The following C9 variants were observed in gnomAD, a reference collection of about 807,000 sequenced individuals.
The protein encoded by C9 is complement C9.
Under a neutral mutation model 65.4 loss-of-function variants are expected in C9, and 63 were observed. That is an observed-to-expected ratio of 0.96 (90% CI 0.79 to 1.19). The LOEUF is 1.19. Ranked by LOEUF, C9 falls within the 50% of genes most tolerant of loss-of-function variation. The pLI is 0.00. For missense variants in C9, 744 were observed against 670.1 expected, an observed-to-expected ratio of 1.11 and a Z score of -1.22; for synonymous variants, 229 against 227.9, an observed-to-expected ratio of 1.00 and a Z score of -0.04.
At chr5:39,363,389 C>A (rs189452933) in intron 1 of C9, among the ~76,000 whole-genome samples, 2 of 152,158 alleles carry the variant, frequency 1.3e-5, no homozygotes, top group Non-Finnish European at 2.9e-5. Flanking sequence ...TGAATGGCGG[C>A]CTCCAACTGC....
At chr5:39,333,024 C>T (rs1460033452) in intron 4 of C9, among the ~76,000 whole-genome samples, 1 of 152,140 alleles carries the variant, frequency 6.6e-6, no homozygotes, top group East Asian at 1.9e-4. Context: ...AAATTGACCA[C>T]CTCCCACTGC....
At chr5:39,294,040 A>G (rs976781502) in intron 9 of C9, among the ~76,000 whole-genome samples, 1 of 151,886 alleles carries the variant, frequency 6.6e-6, no homozygotes. Flanking sequence ...ACCAAAACTG[A>G]CGATACACAG....
intron 1 of C9, among the ~76,000 whole-genome samples, chr5:39,349,849 G>C (rs369912376): frequency 6.6e-6 from 1 of 151,824 alleles, no homozygotes; most frequent in Non-Finnish European, 1.5e-5. Context: ...TTATGCAGGC[G>C]CCTCTTCTTC....
rs564917225 is a variant in C9 at position 39,298,360 on chromosome 5, A to G, written c.1416+8257T>C. Among the ~76,000 whole-genome samples, 7 of 151,760 alleles carry G rather than the reference A, an allele frequency of 4.6e-5. No individual in the cohort carries two copies. The Middle Eastern group carries it at 0.01, about 224-fold the overall frequency. On this transcript the variant is annotated intron_variant, in intron 9 of 10. Transcript: ENST00000263408. ...AAAAAAATAGAGAAAATTTTTTTAA[A>G]GCTGCTTTTTTGAGATTACAAAAAA...
chr5:39,300,819 TAGAAAGACA>T (rs1167384659), intron 9 of C9, among the ~76,000 whole-genome samples: 1 of 152,164 alleles, frequency 6.6e-6, no homozygotes, highest in African/African-American at 2.4e-5. Context: ...ATACCATGTA[TAGAAAGACA>T]GTTTAACTTC....
At chr5:39,358,996 T>A (rs1754462516) in intron 1 of C9, among the ~76,000 whole-genome samples, 1 of 65,076 alleles carries the variant, frequency 1.5e-5, no homozygotes, top group Non-Finnish European at 2.9e-5. Context: ...AAAAAATAAA[T>A]AAATAAATAA....
intron 6 of C9, 82 bp from the exon 7 acceptor site, chr5:39,311,459 C>T: frequency 7.4e-7 from 1 of 1,360,066 alleles, no homozygotes; most frequent in South Asian, 1.2e-5. Context: ...TTAGAACTTC[C>T]ATAGGCACTA....
At chr5:39,338,861 T>C (rs531536763) in intron 4 of C9, among the ~76,000 whole-genome samples, 1 of 152,356 alleles carries the variant, frequency 6.6e-6, no homozygotes, top group African/African-American at 2.4e-5. Context: ...AACAAATTTT[T>C]CTTTTCCCTG....
rs769157827 is a variant in C9 at position 39,284,966 on chromosome 5, G to A, written c.*233C>T. The A allele has an allele frequency of 1.7e-4, 83 of 478,826 alleles. No individual in the cohort carries two copies. Among genetic ancestry groups the A allele is most frequent in the African/African-American group, 5.9e-4 (30 of 50,804 alleles). The allele number at this position is 478,826 out of a possible 1,614,324, so 29.7% of individuals were successfully genotyped here. A position where few individuals can be genotyped will look rare whatever the true frequency, so the allele number is the denominator to read the frequency against. On this transcript the variant is annotated 3_prime_UTR_variant, in exon 11 of 11. Transcript: ENST00000263408. ...TTCCGTGGGATAAAGCAGTTCTGGC[G>A]TATTTCACTGTTGACTTCTCATTAG...
At chr5:39,340,753 C>T (rs1265236215) in intron 4 of C9, among the ~76,000 whole-genome samples, 5 of 152,156 alleles carry the variant, frequency 3.3e-5, no homozygotes, top group African/African-American at 1.2e-4. Context: ...AGACAGCCTT[C>T]CCAGCAATGC....
Position 39,364,443 on chromosome 5 carries a change from C to T in C9, c.22G>A (p.Ala8Thr). MSACRSF[A>T]VAICILEISI... The stretch of plus-strand genomic sequence containing the variant: ...ATTTCTAAAATGCAGATTGCAACTG[C>T]AAAGCTCCGGCAGGCTGACATGCTG... The change falls in exon 1 of 11, where the codon GCA (alanine) becomes ACA (threonine). Residue 8 changes from alanine to threonine, a missense_variant. Ala to Thr is a moderately conservative substitution (Grantham distance 58, BLOSUM62 0). Transcript: ENST00000263408. 1 of 1,610,530 alleles carries T rather than the reference C, an allele frequency of 6.2e-7. No individual in the cohort carries two copies. Among genetic ancestry groups the T allele is most frequent in the Non-Finnish European group, 8.5e-7 (1 of 1,177,234 alleles).
chr5:39,306,586 T>C, intron 9 of C9, 31 bp downstream of exon 9: 2 of 1,545,858 alleles, frequency 1.3e-6, no homozygotes, highest in South Asian at 2.2e-5. Flanking sequence ...AATGACACAG[T>C]CTTCTGTTTG....
chr5:39,315,608 T>C (rs753216316), intron 6 of C9, among the ~76,000 whole-genome samples, 167 bp downstream of exon 6: 9 of 152,308 alleles, frequency 5.9e-5, no homozygotes, highest in South Asian at 4.1e-4. Context: ...CCAAAGATTC[T>C]ATCAGACTTT....
intron 5 of C9, among the ~76,000 whole-genome samples, chr5:39,318,329 C>T (rs562722042): frequency 3.9e-5 from 6 of 152,220 alleles, no homozygotes; most frequent in African/African-American, 9.6e-5. Context: ...TTTCTCTCTT[C>T]GTATTTGAAT....
At chr5:39,302,069 G>T (rs2111866364) in intron 9 of C9, among the ~76,000 whole-genome samples, 1 of 152,024 alleles carries the variant, frequency 6.6e-6, no homozygotes, top group African/African-American at 2.4e-5. Context: ...AATACAATTT[G>T]GATTAAATGT....
intron 4 of C9, among the ~76,000 whole-genome samples, chr5:39,337,981 G>A (rs1285036098): frequency 6.6e-6 from 1 of 152,218 alleles, no homozygotes; most frequent in Non-Finnish European, 1.5e-5. Context: ...ATGTTGCTAT[G>A]ATTAGGGAGT....
chr5:39,323,461 T>A (rs695991), intron 5 of C9, among the ~76,000 whole-genome samples: 2,740 of 149,366 alleles, frequency 0.018, 93 homozygotes, highest in African/African-American at 0.065. Flanking sequence ...ATTAAAATGA[T>A]CATACACAAT....
chr5:39,290,756 T>C (rs896627261), intron 9 of C9, among the ~76,000 whole-genome samples: 18 of 151,630 alleles, frequency 1.2e-4, no homozygotes, highest in Non-Finnish European at 2.5e-4. Context: ...TCAGCAAGAG[T>C]TAGTAGAGAG....
chr5:39,290,613 A>T (rs879441547), intron 9 of C9, among the ~76,000 whole-genome samples: 43 of 151,900 alleles, frequency 2.8e-4, no homozygotes, highest in Admixed American at 1.2e-3. Context: ...ATTTTTTTTT[A>T]AAACTGCTAA....
Sources: allele counts gnomAD v4.1 joint callset (sites outside exome capture counted in the v4.1 genomes callset), GRCh38; gene constraint gnomAD v4.1.1; transcripts MANE v1.5; gene names NCBI Gene and HGNC (gene_info 2026-07-23, HGNC 2026-07-21).